ZNF280D: variants seen among roughly 807,000 people sequenced by gnomAD.
The protein encoded by ZNF280D is suppressor of hairy wing homolog 4.
A neutral mutation model predicts 94.7 loss-of-function variants in ZNF280D; 39 were observed. That is an observed-to-expected ratio of 0.41 (90% CI 0.32 to 0.54). The LOEUF is 0.54. Ranked by LOEUF, ZNF280D falls within the 20% of genes least tolerant of loss-of-function variation. The pLI is 0.22. For synonymous variants in ZNF280D, 398 were observed against 377.6 expected, an observed-to-expected ratio of 1.05 and a Z score of -0.63; for missense variants, 1,090 against 1,149.3, an observed-to-expected ratio of 0.95 and a Z score of 0.75.
At chr15:56,714,553 G>A (rs181694090) in intron 1 of ZNF280D, among the ~76,000 whole-genome samples, 3 of 152,236 alleles carry the variant, frequency 2.0e-5, no homozygotes, top group Non-Finnish European at 4.4e-5. Context: ...GAAAGAAGTG[G>A]CCTTCAAAGG....
chr15:56,631,774 T>C lies in ZNF280D; in HGVS notation c.2664A>G (p.Ser888=), dbSNP rs2052086131. 6.2e-7 allele frequency: 1 copy of C among 1,614,186 alleles called. No homozygotes were observed. The highest frequency in any genetic ancestry group is 2.2e-5 in the East Asian group (1 of 44,872). The change falls in exon 22 of 22, where the codon TCA becomes TCG. Residue 888 remains serine (S), a synonymous_variant. Coordinates refer to ENST00000267807, the MANE Select transcript of ZNF280D (RefSeq NM_017661.4). The stretch of plus-strand genomic sequence containing the variant: ...AAAACTGATCAATGCTTACATTATC[T>C]GATGCTAATCGCAAATCCTTAATAT... ...SKNIKDLRLA[S]DNVSIDQFLR...
chr15:56,683,932 C>G (rs143927025), intron 9 of ZNF280D, among the ~76,000 whole-genome samples: 2 of 152,238 alleles, frequency 1.3e-5, no homozygotes, highest in African/African-American at 4.8e-5. Context: ...GTAAAGGGGA[C>G]CCAGTGGTAA....
At chr15:56,644,819 T>C (rs2052800303) in intron 19 of ZNF280D, among the ~76,000 whole-genome samples, 1 of 152,154 alleles carries the variant, frequency 6.6e-6, no homozygotes. Context: ...TATCACTCTT[T>C]ATTGTACTGG....
intron 21 of ZNF280D, among the ~76,000 whole-genome samples, chr15:56,633,053 G>C (rs529523720): frequency 6.6e-6 from 1 of 152,122 alleles, no homozygotes; most frequent in Admixed American, 6.5e-5. Flanking sequence ...CAAAATATGA[G>C]AAACAAGATT....
rs2052710608 is a variant in ZNF280D at position 56,643,097 on chromosome 15, A to T, written c.2214-100T>A. On this transcript the variant is annotated intron_variant, in intron 19 of 21. Coordinates refer to ENST00000267807, the MANE Select transcript of ZNF280D (RefSeq NM_017661.4). ...CCAGCCTAAAATAATTAAAATGTAG[A>T]TCGAAACTAATGTACATTTTATACT... 8 of 712,810 alleles carry T rather than the reference A, an allele frequency of 1.1e-5. No homozygotes were observed. The South Asian group carries it at 2.7e-4, about 24-fold the overall frequency. 44.2% of individuals were successfully genotyped at this position (712,810 alleles called of 1,614,324 possible). A position where few individuals can be genotyped will look rare whatever the true frequency, so the allele number is the denominator to read the frequency against.
chr15:56,659,966 C>T (rs2053823608), intron 16 of ZNF280D, among the ~76,000 whole-genome samples: 1 of 151,926 alleles, frequency 6.6e-6, no homozygotes, highest in Admixed American at 6.6e-5. Context: ...TTCCTTCATG[C>T]AATCACAGAC....
intron 17 of ZNF280D, among the ~76,000 whole-genome samples, chr15:56,657,208 A>G (rs2053606049): frequency 6.6e-6 from 1 of 152,174 alleles, no homozygotes; most frequent in Non-Finnish European, 1.5e-5. Flanking sequence ...GTGGATTCTA[A>G]GTGTGTGGTA....
intron 1 of ZNF280D, among the ~76,000 whole-genome samples, chr15:56,728,445 A>G (rs1596717823): frequency 6.6e-6 from 1 of 152,230 alleles, no homozygotes; most frequent in African/African-American, 2.4e-5. Context: ...TTGCTCATAA[A>G]TCTGAAATTG....
In ZNF280D at chr15:56,693,118, C is replaced by G. The variant is rs1260485573; in HGVS notation, c.479G>C (p.Gly160Ala). ...QDTGLSHYQG[G>A]PTLSMAGMSE... ...CCAACCTGCCATAGAAAGTGTTGGT[C>G]CCCCTTGGTAATGTGATAATCCTGT... The change falls in exon 7 of 22, where the codon GGA (glycine) becomes GCA (alanine). Residue 160 changes from glycine (G) to alanine (A), a missense_variant. Transcript: ENST00000267807. 6.2e-7 allele frequency: 1 copy of G among 1,603,604 alleles called. No homozygotes were observed. Among genetic ancestry groups the G allele is most frequent in the African/African-American group, 1.3e-5 (1 of 74,624 alleles).
chr15:56,644,241 GTCAA>G (rs1443027232), intron 19 of ZNF280D, among the ~76,000 whole-genome samples: 3 of 151,954 alleles, frequency 2.0e-5, no homozygotes, highest in African/African-American at 7.2e-5. Context: ...AGACACAAAT[GTCAA>G]TCATTTTGGG....
At chr15:56,649,022 T>C (rs774439768) in intron 19 of ZNF280D, among the ~76,000 whole-genome samples, 1 of 152,068 alleles carries the variant, frequency 6.6e-6, no homozygotes, top group Non-Finnish European at 1.5e-5. Context: ...ATAATCATTT[T>C]AGATAGACAG....
At chr15:56,711,566 G>A (rs974694737) in intron 1 of ZNF280D, among the ~76,000 whole-genome samples, 15 of 152,128 alleles carry the variant, frequency 9.9e-5, no homozygotes, top group African/African-American at 2.4e-5. Flanking sequence ...TCGGGAGGCT[G>A]AAGAAGAATG....
intron 9 of ZNF280D, among the ~76,000 whole-genome samples, chr15:56,687,848 T>C (rs1275770875): frequency 1.3e-5 from 2 of 152,330 alleles, no homozygotes; most frequent in Admixed American, 6.5e-5. Context: ...TCTGTACGTA[T>C]ATAAGAAGAC....
At chr15:56,632,268 T>C (rs1268654901) in intron 21 of ZNF280D, 146 bp from the exon 22 acceptor site, 7 of 732,808 alleles carry the variant, frequency 9.6e-6, no homozygotes, top group Non-Finnish European at 1.5e-5. Context: ...CAATCCTCGC[T>C]ATGGCAGTAA....
At chr15:56,664,935 T>C (rs1344261133) in intron 16 of ZNF280D, among the ~76,000 whole-genome samples, 1 of 152,098 alleles carries the variant, frequency 6.6e-6, no homozygotes, top group African/African-American at 2.4e-5. Flanking sequence ...AGATGGGTGC[T>C]ACTAGGCTGG....
At position 56,689,175 on chromosome 15, in the gene ZNF280D, G is replaced by T. The variant is rs376094769; in HGVS notation, c.671-25C>A. 26 of 1,584,422 alleles carry T rather than the reference G, an allele frequency of 1.6e-5. No homozygotes were observed. In the African/African-American group the frequency reaches 3.4e-4, roughly 21 times the overall value. On this transcript the variant is annotated intron_variant, in intron 8 of 21. Transcript: ENST00000267807. ...CCTAAAATAAATTCAGAACATTTAT[G>T]ACTCAAAATTCATCACTTTTTAACC...
intron 1 of ZNF280D, among the ~76,000 whole-genome samples, chr15:56,726,136 T>C (rs1352795063): frequency 1.3e-5 from 2 of 152,060 alleles, no homozygotes; most frequent in Non-Finnish European, 2.9e-5. Flanking sequence ...CAAAAAAACT[T>C]TAGAACAGAA....
Position 56,668,949 on chromosome 15 carries a change from T to C in ZNF280D, c.1419A>G (p.Gly473=). 6.2e-7 allele frequency: 1 copy of C among 1,604,492 alleles called. No homozygotes were observed. The change falls in exon 14 of 22, where the codon GGA becomes GGG. Residue 473 remains glycine, a synonymous_variant. Coordinates refer to ENST00000267807, the MANE Select transcript of ZNF280D (RefSeq NM_017661.4). ...MHHYMKHQKK[G]IHRCTKCRLQ... is the part of the protein sequence containing the mutation. Reference sequence around the variant, plus strand: ...GCCTGCATTTTGTACAACGATGTATTCCTTTTTTCTGTTTAGAAAAAAACA... The same window carrying C: ...GCCTGCATTTTGTACAACGATGTATCCCTTTTTTCTGTTTAGAAAAAAACA...
intron 19 of ZNF280D, chr15:56,653,755 G>A: frequency 7.8e-7 from 1 of 1,277,104 alleles, no homozygotes; most frequent in East Asian, 3.1e-5. Flanking sequence ...CTGAAGGCAA[G>A]TACAGCAGAG....
Sources: allele counts gnomAD v4.1 joint callset (sites outside exome capture counted in the v4.1 genomes callset), GRCh38; gene constraint gnomAD v4.1.1; transcripts MANE v1.5; gene names NCBI Gene and HGNC (gene_info 2026-07-23, HGNC 2026-07-21).